The following ZNF577 variants were observed in gnomAD, a reference collection of about 807,000 sequenced individuals.
ZNF577 encodes the protein zinc finger protein 577.
A neutral mutation model predicts 13.9 loss-of-function variants in ZNF577; 14 were observed. The ratio of observed to expected loss-of-function variants is 1.00; its 90% confidence interval spans 0.66 to 1.57. ZNF577 has a LOEUF of 1.57. Ranked by LOEUF, ZNF577 falls within the 40% of genes most tolerant of loss-of-function variation. The pLI, the probability that ZNF577 is intolerant of heterozygous loss-of-function variation, is 0.00. For synonymous variants in ZNF577, 203 were observed against 202.9 expected, an observed-to-expected ratio of 1.00 and a Z score of 0.00; for missense variants, 555 against 579.2, an observed-to-expected ratio of 0.96 and a Z score of 0.43.
chr19:51,815,417 A>T (rs2122463693), intron 9 of ZNF577, among the ~76,000 whole-genome samples: 1 of 152,200 alleles, frequency 6.6e-6, no homozygotes, highest in Non-Finnish European at 1.5e-5. Context: ...AAAATTAGCC[A>T]GGCATGGTGA....
At chr19:51,847,393 T>TG (rs2084358312) in intron 5 of ZNF577, among the ~76,000 whole-genome samples, 1 of 152,108 alleles carries the variant, frequency 6.6e-6, no homozygotes, top group Non-Finnish European at 1.5e-5. Flanking sequence ...ATCTTGCTGT[T>TG]GCCTCACTCA....
chr19:51,809,757 C>G (rs2084084237), intron 10 of ZNF577, among the ~76,000 whole-genome samples: 1 of 152,154 alleles, frequency 6.6e-6, no homozygotes, highest in East Asian at 1.9e-4. Flanking sequence ...ATGGGTTTGT[C>G]TGCCCCAACT....
At chr19:51,861,604 A>G (rs1340662679) in intron 5 of ZNF577, 3 of 152,250 alleles carry the variant, frequency 2.0e-5, no homozygotes, top group Non-Finnish European at 2.9e-5. Flanking sequence ...GACTAATCAA[A>G]AAAGCTCTCT....
At chr19:51,859,949 G>A (rs989303860) in intron 5 of ZNF577, among the ~76,000 whole-genome samples, 4 of 151,826 alleles carry the variant, frequency 2.6e-5, no homozygotes, top group Non-Finnish European at 4.4e-5. Context: ...GTCACTATTC[G>A]ACTAATCCTT....
chr19:51,874,918 T>C (rs146329597), intron 5 of ZNF577, among the ~76,000 whole-genome samples: 78 of 152,326 alleles, frequency 5.1e-4, no homozygotes, highest in African/African-American at 1.8e-3. Flanking sequence ...TGAGGATAAC[T>C]GCTCAGTATG....
At chr19:51,876,065 A>G (rs549555538) in intron 5 of ZNF577, among the ~76,000 whole-genome samples, 42 of 152,328 alleles carry the variant, frequency 2.8e-4, no homozygotes, top group African/African-American at 4.1e-4. Flanking sequence ...AGAGAATCAC[A>G]GTTTCTAACC....
intron 9 of ZNF577, among the ~76,000 whole-genome samples, chr19:51,812,562 C>T (rs540894499): frequency 1.3e-5 from 2 of 152,338 alleles, no homozygotes; most frequent in Non-Finnish European, 2.9e-5. Context: ...AGACCCTCAG[C>T]TACAGTTGCC....
At chr19:51,884,332 A>T (rs1469133041) in intron 1 of ZNF577, among the ~76,000 whole-genome samples, 5 of 152,226 alleles carry the variant, frequency 3.3e-5, no homozygotes, top group Non-Finnish European at 5.9e-5. Flanking sequence ...TGGGATACGT[A>T]CAAGTTTCAA....
intron 1 of ZNF577, among the ~76,000 whole-genome samples, chr19:51,882,800 CA>C (rs1182853522): frequency 2.0e-5 from 3 of 150,556 alleles, no homozygotes; most frequent in African/African-American, 7.3e-5. Flanking sequence ...AAACAAAAGG[CA>C]AAAAAAAGGC....
rs1393245113 is a variant in ZNF577, at chr19:51,873,649, T to C, written c.341A>G (p.Tyr114Cys). Residue 114 changes from tyrosine (Y) to cysteine (C), a missense_variant, in exon 6 of 6, where the codon TAT (tyrosine) becomes TGT (cysteine). Tyr to Cys is a radical substitution (Grantham distance 194). Coordinates refer to ENST00000638348, the MANE Select transcript of ZNF577 (RefSeq NM_001370449.1). ...CTTGATATGGAGGCATGATCTCCCA[T>C]ATCCACCAAATGCATCAGAATCTTT... ...AGKDSDAFGGYGRSCLHIKRD... is the reference protein window; with the variant it reads ...AGKDSDAFGGCGRSCLHIKRD... The C allele has an allele frequency of 1.2e-6, 2 of 1,613,996 alleles. No homozygotes were observed. The highest frequency in any genetic ancestry group is 1.7e-6 in the Non-Finnish European group (2 of 1,180,010).
At chr19:51,839,072 C>G (rs924848151) in intron 9 of ZNF577, among the ~76,000 whole-genome samples, 9 of 152,162 alleles carry the variant, frequency 5.9e-5, no homozygotes, top group Non-Finnish European at 1.3e-4. Context: ...CACACCATTC[C>G]AATAATCTTC....
chr19:51,883,247 T>C (rs1393913229), intron 1 of ZNF577, among the ~76,000 whole-genome samples: 1 of 152,010 alleles, frequency 6.6e-6, no homozygotes, highest in Non-Finnish European at 1.5e-5. Context: ...TGCCTCAGCC[T>C]CCCAAAGTGC....
chr19:51,850,938 G>A (rs1171876418), intron 5 of ZNF577, among the ~76,000 whole-genome samples: 2 of 152,108 alleles, frequency 1.3e-5, no homozygotes, highest in East Asian at 3.9e-4. Context: ...TGTATAGTAC[G>A]GTGTAGTTAG....
intron 5 of ZNF577, among the ~76,000 whole-genome samples, chr19:51,875,007 C>T (rs908384845): frequency 1.3e-5 from 2 of 152,030 alleles, no homozygotes; most frequent in African/African-American, 2.4e-5. Flanking sequence ...ACCAGTAAAA[C>T]ACACACACAA....
In ZNF577 at chr19:51,872,427, A is replaced by T; in HGVS notation, c.*105T>A. 1 of 960,126 alleles carries T rather than the reference A, an allele frequency of 1.0e-6. No individual in the cohort carries two copies. Among genetic ancestry groups the T allele is most frequent in the Non-Finnish European group, 1.5e-6 (1 of 667,422 alleles). 59.5% of individuals were successfully genotyped at this position (960,126 alleles called of 1,614,324 possible). ...TTGACTTCTCACAGAAATGTCCTCC[A>T]CAACCACTGCCTCCACAGTGTTTCA... is the stretch of plus-strand genomic sequence containing the variant. On this transcript the variant is annotated 3_prime_UTR_variant, in exon 6 of 6. Transcript: ENST00000638348.
chr19:51,882,711 G>A (rs1206712549), intron 1 of ZNF577, among the ~76,000 whole-genome samples: 2 of 152,024 alleles, frequency 1.3e-5, no homozygotes, highest in Non-Finnish European at 2.9e-5. Flanking sequence ...TTGAGCCCAG[G>A]AGTTCCAGGC....
chr19:51,845,489 C>CAA (rs1056181069), intron 5 of ZNF577, among the ~76,000 whole-genome samples: 4 of 134,162 alleles, frequency 3.0e-5, no homozygotes, highest in African/African-American at 5.5e-5. Context: ...AACTCTGCCT[C>CAA]AAAAAAAAAA....
chr19:51,812,612 C>G (rs1279751581), intron 9 of ZNF577, among the ~76,000 whole-genome samples: 1 of 152,170 alleles, frequency 6.6e-6, no homozygotes, highest in East Asian at 1.9e-4. Flanking sequence ...TCCAGGCTAC[C>G]TAGGGGTACC....
intron 8 of ZNF577, among the ~76,000 whole-genome samples, chr19:51,841,378 TAACAG>T (rs768840140): frequency 6.6e-6 from 1 of 152,096 alleles, no homozygotes; most frequent in Non-Finnish European, 1.5e-5. Flanking sequence ...CTTCAAAACC[TAACAG>T]AAATTTCGCT....
Sources: allele counts gnomAD v4.1 joint callset (sites outside exome capture counted in the v4.1 genomes callset), GRCh38; gene constraint gnomAD v4.1.1; transcripts MANE v1.5; gene names NCBI Gene and HGNC (gene_info 2026-07-23, HGNC 2026-07-21).